CNTNAP2: variants seen among roughly 807,000 people sequenced by gnomAD.
CNTNAP2 encodes contactin-associated protein-like 2.
In CNTNAP2, 98 loss-of-function variants were observed where a neutral mutation model predicts 155.2. That is an observed-to-expected ratio of 0.63 (90% CI 0.54 to 0.75). CNTNAP2 has a LOEUF of 0.75. Ranked by LOEUF, CNTNAP2 falls within the 30% of genes least tolerant of loss-of-function variation. The pLI is 0.00. For synonymous variants in CNTNAP2, 651 were observed against 631.2 expected (o/e 1.03, Z -0.47); for missense variants, 1,727 against 1,688.1 (o/e 1.02, Z -0.40).
chr7:146,877,598 A>G (rs1257250094), intron 3 of CNTNAP2, among the ~76,000 whole-genome samples: 1 of 150,110 alleles, frequency 6.7e-6, no homozygotes, highest in African/African-American at 2.4e-5. Context: ...ATATATACAT[A>G]TGTGTGTATA....
intron 1 of CNTNAP2, among the ~76,000 whole-genome samples, chr7:146,742,571 A>G (rs1801738011): frequency 6.6e-6 from 1 of 152,178 alleles, no homozygotes; most frequent in Non-Finnish European, 1.5e-5. Context: ...CTTAGAACGG[A>G]CTGAAGAGCG....
At chr7:147,094,364 A>C (rs1443185950) in intron 4 of CNTNAP2, among the ~76,000 whole-genome samples, 2 of 150,916 alleles carry the variant, frequency 1.3e-5, no homozygotes, top group African/African-American at 4.9e-5. Flanking sequence ...TTAAAGGTCC[A>C]TTCAGAATAA....
At chr7:147,083,633 G>A (rs531975889) in intron 4 of CNTNAP2, among the ~76,000 whole-genome samples, 2 of 143,576 alleles carry the variant, frequency 1.4e-5, no homozygotes, top group African/African-American at 5.1e-5. Context: ...ATATCTGTAT[G>A]TGTGTATATA....
At chr7:147,824,797 T>C (rs559674969) in intron 13 of CNTNAP2, among the ~76,000 whole-genome samples, 1 of 152,156 alleles carries the variant, frequency 6.6e-6, no homozygotes, top group Non-Finnish European at 1.5e-5. Flanking sequence ...TGAATGGTGG[T>C]CACACAATGC....
intron 20 of CNTNAP2, among the ~76,000 whole-genome samples, chr7:148,259,609 G>A (rs986462762): frequency 3.9e-5 from 6 of 152,106 alleles, no homozygotes; most frequent in Non-Finnish European, 8.8e-5. Flanking sequence ...GATGGGGCCC[G>A]GCCCCTCCAC....
At chr7:146,350,747 C>G (rs1047335529) in intron 1 of CNTNAP2, among the ~76,000 whole-genome samples, 2 of 151,928 alleles carry the variant, frequency 1.3e-5, no homozygotes, top group Admixed American at 1.3e-4. Context: ...TATTGCGGCA[C>G]TATTCACAAT....
At chr7:146,137,719 A>G (rs976418861) in intron 1 of CNTNAP2, among the ~76,000 whole-genome samples, 1 of 152,060 alleles carries the variant, frequency 6.6e-6, no homozygotes. Flanking sequence ...ATAAACTACT[A>G]TAGTAATTTG....
rs138648323 is a variant in CNTNAP2, at chr7:146,276,181, A to G, written c.97+159208A>G. Among the ~76,000 whole-genome samples, 442 of 152,356 alleles carry G rather than the reference A, an allele frequency of 2.9e-3. 2 individuals are homozygous for G. The Middle Eastern group carries it at 0.034, about 12-fold the overall frequency. ...AAGACAATCATATTTACTGATGAATATATTTACTCCCTCTGGAAAACCTAT... is the reference window on the plus strand; with the variant it reads ...AAGACAATCATATTTACTGATGAATGTATTTACTCCCTCTGGAAAACCTAT... On this transcript the variant is annotated intron_variant, in intron 1 of 23. Coordinates refer to ENST00000361727, the MANE Select transcript of CNTNAP2 (RefSeq NM_014141.6).
At chr7:147,636,615 C>A (rs1795185142) in intron 12 of CNTNAP2, among the ~76,000 whole-genome samples, 2 of 152,048 alleles carry the variant, frequency 1.3e-5, no homozygotes, top group Non-Finnish European at 2.9e-5. Flanking sequence ...CCCCAACAAG[C>A]CCTGGTGTGT....
intron 1 of CNTNAP2, among the ~76,000 whole-genome samples, chr7:146,192,855 A>T (rs1798726301): frequency 6.6e-6 from 1 of 152,200 alleles, no homozygotes; most frequent in Non-Finnish European, 1.5e-5. Context: ...CTGCCTATGA[A>T]TCTGTAAAAG....
intron 15 of CNTNAP2, among the ~76,000 whole-genome samples, chr7:148,054,447 C>CTTTTT (rs61157011): frequency 4.1e-5 from 3 of 73,108 alleles, no homozygotes; most frequent in African/African-American, 1.2e-4. Flanking sequence ...TCTCAGTGGC[C>CTTTTT]TTTTTTTTTT....
intron 1 of CNTNAP2, among the ~76,000 whole-genome samples, chr7:146,742,739 G>T (rs936932859): frequency 6.6e-6 from 1 of 152,120 alleles, no homozygotes; most frequent in Non-Finnish European, 1.5e-5. Flanking sequence ...TGTCAAAGAT[G>T]ACTGATATAC....
chr7:146,623,772 T>C (rs1799373129), intron 1 of CNTNAP2, among the ~76,000 whole-genome samples: 1 of 152,142 alleles, frequency 6.6e-6, no homozygotes, highest in Admixed American at 6.5e-5. Context: ...AGCATTTTAA[T>C]TGTGGGTCTT....
chr7:146,833,451 A>G (rs1037176967), intron 2 of CNTNAP2, among the ~76,000 whole-genome samples: 1 of 151,794 alleles, frequency 6.6e-6, no homozygotes, highest in Non-Finnish European at 1.5e-5. Flanking sequence ...TTCTCTACTC[A>G]AGTCCCAGAA....
At chr7:148,398,804 G>A (rs969823838) in intron 22 of CNTNAP2, among the ~76,000 whole-genome samples, 1 of 152,194 alleles carries the variant, frequency 6.6e-6, no homozygotes, top group African/African-American at 2.4e-5. Flanking sequence ...AATAGATCCA[G>A]GGTCTCCTGA....
intron 9 of CNTNAP2, among the ~76,000 whole-genome samples, chr7:147,304,812 G>A (rs1794998076): frequency 1.3e-5 from 2 of 152,196 alleles, no homozygotes; most frequent in Admixed American, 1.3e-4. Flanking sequence ...AGGTTGAGTG[G>A]TCTAAACAAC....
chr7:147,771,371 A>G (rs1797466269), intron 13 of CNTNAP2, among the ~76,000 whole-genome samples: 1 of 152,230 alleles, frequency 6.6e-6, no homozygotes, highest in African/African-American at 2.4e-5. Context: ...CAAATAAAGT[A>G]GAGAGGAAAG....
intron 20 of CNTNAP2, among the ~76,000 whole-genome samples, chr7:148,251,034 G>A (rs1796355149): frequency 6.6e-6 from 1 of 152,028 alleles, no homozygotes; most frequent in Non-Finnish European, 1.5e-5. Context: ...TTTAACCCTT[G>A]TTCTATTATT....
intron 13 of CNTNAP2, among the ~76,000 whole-genome samples, chr7:147,856,061 C>T (rs762361004): frequency 6.6e-6 from 1 of 152,104 alleles, no homozygotes; most frequent in Non-Finnish European, 1.5e-5. Context: ...AGTTTGAGGT[C>T]GAGGAGACCA....
Sources: gnomAD v4.1 joint callset for allele counts (sites outside exome capture counted in the v4.1 genomes callset) on GRCh38, gnomAD v4.1.1 for gene constraint, MANE v1.5 for transcripts, NCBI Gene and HGNC (gene_info 2026-07-23, HGNC 2026-07-21) for gene names.